Variants in CRLS1 observed in about 807,000 individuals in gnomAD.
CRLS1 encodes cardiolipin synthase 1, also known as cardiolipin synthase (CMP-forming).
In CRLS1, 24 loss-of-function variants were observed where a neutral mutation model predicts 37.0. The ratio of observed to expected loss-of-function variants is 0.65; its 90% CI spans 0.47 to 0.91. The LOEUF (loss-of-function observed/expected upper bound fraction) is 0.91, where lower values mean the gene tolerates loss of function less well. Among genes scored for constraint, CRLS1 ranks in the 40% least tolerant of loss-of-function variants. The pLI, the probability that CRLS1 is intolerant of heterozygous loss-of-function variation, is 0.00. For missense variants in CRLS1, 373 were observed against 395.8 expected (o/e 0.94, Z 0.49); for synonymous variants, 135 against 159.7 (o/e 0.85, Z 1.17).
rs549719811 is a variant in CRLS1 at position 6,034,703 on chromosome 20, C to T, written c.821+148C>T. The T allele has an allele frequency of 7.0e-4, 427 of 614,010 alleles. 6 individuals carry two copies. In the South Asian group the frequency reaches 7.3e-3, roughly 11 times the overall value. The allele number at this position is 614,010 out of a possible 1,614,324, so 38.0% of individuals were successfully genotyped here. ...TTGGTGATTGATACCATTGTTAAGA[C>T]GCTTCCTGCCAAGTATGAGATGGAG... On this transcript the variant is annotated intron_variant, in intron 6 of 6. Transcript: ENST00000378863.
intron 3 of CRLS1, among the ~76,000 whole-genome samples, chr20:6,023,831 A>AT (rs2122983256): frequency 6.6e-6 from 1 of 151,786 alleles, no homozygotes; most frequent in South Asian, 2.1e-4. Context: ...TTTTTATTGC[A>AT]TTTCACTTTA....
At chr20:6,015,221 T>G in intron 2 of CRLS1, 140 bp from the exon 3 acceptor site, 2 of 483,420 alleles carry the variant, frequency 4.1e-6, no homozygotes, top group Non-Finnish European at 3.5e-6. Flanking sequence ...AATGAGAATG[T>G]TTGGGGGTAA....
chr20:6,005,966 C>T (rs1426947120), upstream of CRLS1: 6 of 289,390 alleles, frequency 2.1e-5, no homozygotes, highest in Non-Finnish European at 3.8e-5. Context: ...GTACCCGCTG[C>T]TTCCCAAAAC....
chr20:6,012,389 G>C (rs1453746731), intron 2 of CRLS1, among the ~76,000 whole-genome samples: 1 of 152,176 alleles, frequency 6.6e-6, no homozygotes, highest in Non-Finnish European at 1.5e-5. Context: ...TGGCAGCCGT[G>C]GTGGGAGCTT....
chr20:6,015,593 A>G (rs112140895), intron 3 of CRLS1, 103 bp downstream of exon 3: 6 of 1,152,554 alleles, frequency 5.2e-6, no homozygotes, highest in Non-Finnish European at 7.7e-6. Context: ...CCAAAAATAT[A>G]GTTTTCAACT....
chr20:6,029,641 G>A (rs1361257607), intron 3 of CRLS1, among the ~76,000 whole-genome samples: 1 of 152,252 alleles, frequency 6.6e-6, no homozygotes, highest in Non-Finnish European at 1.5e-5. Flanking sequence ...TTACAGGCAT[G>A]AGCCACCGTG....
chr20:6,032,933 T>A (rs1980283500), intron 5 of CRLS1, among the ~76,000 whole-genome samples: 1 of 152,034 alleles, frequency 6.6e-6, no homozygotes, highest in Non-Finnish European at 1.5e-5. Context: ...GTTTTTTGTT[T>A]GTTTGTTTGT....
intron 3 of CRLS1, chr20:6,031,030 G>T: frequency 2.9e-6 from 1 of 346,366 alleles, no homozygotes; most frequent in Admixed American, 4.8e-5. Flanking sequence ...GAGAAGATCA[G>T]CATACTGAAA....
At chr20:6,026,298 A>G (rs934812920) in intron 3 of CRLS1, 8 of 148,460 alleles carry the variant, frequency 5.4e-5, no homozygotes, top group African/African-American at 2.1e-4. Flanking sequence ...GATTGTTAGC[A>G]TGTGGTGTGA....
At chr20:6,019,733 C>G (rs541553355) in intron 3 of CRLS1, among the ~76,000 whole-genome samples, 151 of 145,168 alleles carry the variant, frequency 1.0e-3, no homozygotes, top group African/African-American at 3.8e-3. Flanking sequence ...ATGATCTCAG[C>G]TCACTGCAAC....
intron 1 of CRLS1, among the ~76,000 whole-genome samples, chr20:6,008,445 G>A (rs1488298475): frequency 1.3e-5 from 2 of 152,158 alleles, no homozygotes; most frequent in East Asian, 3.8e-4. Flanking sequence ...ATTCTGTTTG[G>A]CAAGAAGGGG....
chr20:6,019,649 T>C (rs557651807), intron 3 of CRLS1, among the ~76,000 whole-genome samples: 1 of 151,704 alleles, frequency 6.6e-6, no homozygotes, highest in East Asian at 1.9e-4. Context: ...AGTTTTATTT[T>C]TTTTCTTCTT....
rs1302296176 is a variant in CRLS1 at position 6,032,079 on chromosome 20, A to G, written c.728A>G (p.Lys243Arg). The change falls in exon 5 of 7, where the codon AAG becomes AGG. Residue 243 changes from lysine (K) to arginine (R), a missense_variant and splice_region_variant. Physicochemically the swap from Lys to Arg is conservative, Grantham distance 26. Transcript: ENST00000378863. ...AGGTTAAAACCAACATTCATCAGCA[A>G]GGTAAGAGAATGCAATGTTCTTTGA... ...TARLKPTFIS[K>R]VNTAVQLILV... The G allele has an allele frequency of 1.9e-6, 3 of 1,606,478 alleles. No individual in the cohort carries two copies. Among genetic ancestry groups the G allele is most frequent in the East Asian group, 2.2e-5 (1 of 44,806 alleles).
At chr20:6,018,799 A>G (rs1462757415) in intron 3 of CRLS1, among the ~76,000 whole-genome samples, 1 of 152,170 alleles carries the variant, frequency 6.6e-6, no homozygotes, top group Non-Finnish European at 1.5e-5. Flanking sequence ...CTATGGTCAT[A>G]TCATTTTTCC....
chr20:6,029,743 T>C (rs1355271875), intron 3 of CRLS1, among the ~76,000 whole-genome samples: 3 of 152,210 alleles, frequency 2.0e-5, no homozygotes, highest in Non-Finnish European at 2.9e-5. Context: ...ACAAAAATGT[T>C]CCTAAAAATT....
At chr20:6,034,336 GT>G (rs1980394537) in intron 5 of CRLS1, 127 bp from the exon 6 acceptor site, 1 of 640,916 alleles carries the variant, frequency 1.6e-6, no homozygotes, top group African/African-American at 1.8e-5. Flanking sequence ...CAGGGATAGT[GT>G]AGATGAACAG....
chr20:6,009,274 G>A (rs2090100301), intron 1 of CRLS1, among the ~76,000 whole-genome samples: 1 of 149,660 alleles, frequency 6.7e-6, no homozygotes, highest in Non-Finnish European at 1.5e-5. Context: ...AGTGAGCCGA[G>A]ATTGTGCCAC....
Position 6,031,335 on chromosome 20 carries a change from G to GT in CRLS1, c.631dup (p.Tyr211LeufsTer25). On this transcript the variant is annotated frameshift_variant, in exon 4 of 7. Coordinates refer to ENST00000378863, the MANE Select transcript of CRLS1 (RefSeq NM_019095.6). LOFTEE classifies it high-confidence loss of function. ...GAGAGATGTAATGTTGATTGCTGCT[G>GT]TTTTTTATGTCAGATACCGAACTCT... The GT allele has an allele frequency of 6.2e-7, 1 of 1,610,026 alleles. No homozygotes were observed. The highest frequency in any genetic ancestry group is 8.5e-7 in the Non-Finnish European group (1 of 1,178,202).
rs751618948 is a variant in CRLS1, at chr20:6,009,927, C to T, written c.444+15C>T. The T allele has an allele frequency of 1.9e-6, 3 of 1,610,930 alleles. No individual in the cohort carries two copies. The highest frequency in any genetic ancestry group is 1.7e-6 in the Non-Finnish European group (2 of 1,178,100). On this transcript the variant is annotated intron_variant, in intron 2 of 6. Coordinates refer to ENST00000378863, the MANE Select transcript of CRLS1 (RefSeq NM_019095.6). ...TAACAGATTTGGTAAGTTGTAAATG[C>T]ACTCCCAGTTTGCTCTCCTTCCAAA...
Sources: gnomAD v4.1 joint callset for allele counts (sites outside exome capture counted in the v4.1 genomes callset) on GRCh38, gnomAD v4.1.1 for gene constraint, MANE v1.5 for transcripts, NCBI Gene and HGNC (gene_info 2026-07-23, HGNC 2026-07-21) for gene names.